NUP35: variants seen among roughly 807,000 people sequenced by gnomAD.
The protein encoded by NUP35 is nucleoporin 35, also known as nucleoporin NUP35.
In NUP35, 25 loss-of-function variants were observed where a neutral mutation model predicts 41.5. That is an observed-to-expected ratio of 0.60 (90% CI 0.44 to 0.84). The LOEUF (loss-of-function observed/expected upper bound fraction) is 0.84. NUP35 is among the 40% of genes least tolerant of loss of function. The probability of loss-of-function intolerance (pLI) is 0.00; values close to 1 mark genes in which losing one functional copy is unlikely to be tolerated. For synonymous variants in NUP35, 149 were observed against 130.7 expected (o/e 1.14, Z -0.96); for missense variants, 396 against 396.6 (o/e 1.00, Z 0.01).
Position 183,161,212 on chromosome 2 carries a change from T to G in NUP35, c.*81T>G. On this transcript the variant is annotated 3_prime_UTR_variant, in exon 9 of 9. Transcript: ENST00000295119. ...GTTCCTTCGGTTAGTTATATAACTG[T>G]TCCTGCAGTATTGGATAGCTATCTC... is the stretch of plus-strand genomic sequence containing the variant. 6.4e-6 allele frequency: 6 copies of G among 942,594 alleles called. No individual in the cohort carries two copies. Among genetic ancestry groups the G allele is most frequent in the Non-Finnish European group, 9.9e-6 (6 of 604,052 alleles). 58.4% of individuals were successfully genotyped at this position (942,594 alleles called of 1,614,324 possible).
At chr2:183,124,713 A>G (rs1306283677) in intron 1 of NUP35, among the ~76,000 whole-genome samples, 1 of 152,072 alleles carries the variant, frequency 6.6e-6, no homozygotes, top group African/African-American at 2.4e-5. Flanking sequence ...GGGCCCTGGG[A>G]GGGTGAAGAA....
upstream of NUP35, among the ~76,000 whole-genome samples, chr2:183,122,279 T>C (rs1239254742): frequency 6.6e-5 from 10 of 152,108 alleles, no homozygotes; most frequent in Non-Finnish European, 1.3e-4. Flanking sequence ...GGTTTCACCA[T>C]GTTGGCCAGG....
chr2:183,142,474 G>T (rs909427638), intron 4 of NUP35, among the ~76,000 whole-genome samples: 2 of 151,262 alleles, frequency 1.3e-5, no homozygotes, highest in African/African-American at 4.9e-5. Flanking sequence ...TTGGTGGGGG[G>T]TGGTGGGCAC....
chr2:183,122,036 T>C (rs1181703317), upstream of NUP35, among the ~76,000 whole-genome samples: 1 of 150,888 alleles, frequency 6.6e-6, no homozygotes, highest in Non-Finnish European at 1.5e-5. Context: ...AACCCTTTTC[T>C]ACTTTACTGT....
intron 4 of NUP35, among the ~76,000 whole-genome samples, chr2:183,139,740 A>T (rs1685018160): frequency 6.6e-6 from 1 of 152,214 alleles, no homozygotes; most frequent in Non-Finnish European, 1.5e-5. Flanking sequence ...GCCATAAGTC[A>T]CCAAAAGGTG....
upstream of NUP35, among the ~76,000 whole-genome samples, chr2:183,124,088 C>T (rs1489713382): frequency 6.6e-6 from 1 of 152,150 alleles, no homozygotes; most frequent in Non-Finnish European, 1.5e-5. Context: ...CCAGGTGCTA[C>T]TCAGAAAAGC....
intron 1 of NUP35, among the ~76,000 whole-genome samples, chr2:183,118,105 G>C (rs10191080): frequency 0.63 from 95,120 of 152,026 alleles, 32,658 homozygotes; most frequent in East Asian, 0.98. Context: ...TGAAGAAAGG[G>C]CTCCCCACCT....
At chr2:183,130,693 T>G (rs1161325859) in intron 3 of NUP35, 148 bp downstream of exon 3, 2 of 915,570 alleles carry the variant, frequency 2.2e-6, no homozygotes, top group African/African-American at 3.3e-5. Flanking sequence ...CATCATAGAA[T>G]CTACTTAAAT....
intron 8 of NUP35, chr2:183,160,017 C>CTT (rs1685815552): frequency 5.8e-6 from 1 of 171,100 alleles, no homozygotes; most frequent in African/African-American, 2.4e-5. Context: ...AAGTGCAGAA[C>CTT]CTTAGGTTGG....
intron 4 of NUP35, among the ~76,000 whole-genome samples, chr2:183,141,199 C>G (rs60835883): frequency 0.031 from 4,672 of 151,806 alleles, 262 homozygotes; most frequent in African/African-American, 0.11. Context: ...TCATTCCATT[C>G]CCTGCTTCCA....
At chr2:183,159,930 A>C in intron 8 of NUP35, 1 of 324,194 alleles carries the variant, frequency 3.1e-6, no homozygotes. Context: ...ATACATACGA[A>C]ATGTATCCTG....
At chr2:183,130,869 A>G (rs1684673741) in intron 3 of NUP35, 1 of 755,224 alleles carries the variant, frequency 1.3e-6, no homozygotes, top group Non-Finnish European at 1.7e-6. Flanking sequence ...TTGTTTAAGA[A>G]GTTTAATATT....
chr2:183,129,217 T>TG (rs34592491), intron 2 of NUP35, among the ~76,000 whole-genome samples: 28,689 of 152,002 alleles, frequency 0.19, 3,598 homozygotes, highest in African/African-American at 0.34. Context: ...TAAGGAAACT[T>TG]GGGGGGGAGG....
chr2:183,126,173 C>T (rs994259352), intron 1 of NUP35, among the ~76,000 whole-genome samples: 4 of 152,098 alleles, frequency 2.6e-5, no homozygotes, highest in African/African-American at 9.7e-5. Context: ...GGGCTGGGAC[C>T]ACAGTGTGCC....
intron 4 of NUP35, among the ~76,000 whole-genome samples, chr2:183,137,337 G>A (rs1472736829): frequency 6.6e-6 from 1 of 152,140 alleles, no homozygotes; most frequent in African/African-American, 2.4e-5. Flanking sequence ...GCTCATGCCT[G>A]TAATCCCGAG....
Position 183,130,476 on chromosome 2 carries a change from A to G in NUP35, c.270A>G (p.Pro90=), listed in dbSNP as rs201805920. Residue 90 remains proline, a synonymous_variant, in exon 3 of 9, where the codon CCA becomes CCG. Coordinates refer to ENST00000295119, the MANE Select transcript of NUP35 (RefSeq NM_138285.5). ...PAHKDKSGAP[P]VRSIYDDISS... is the part of the protein sequence containing the mutation. Reference sequence around the variant, plus strand: ...ATAAAGATAAAAGTGGCGCTCCACCAGTTAGAAGTATATATGATGACATTT... The same window carrying G: ...ATAAAGATAAAAGTGGCGCTCCACCGGTTAGAAGTATATATGATGACATTT... 6.1e-5 allele frequency: 98 copies of G among 1,607,756 alleles called. No individual in the cohort carries two copies. The highest frequency in any genetic ancestry group is 7.5e-5 in the Non-Finnish European group (89 of 1,179,052).
chr2:183,150,873 A>G (rs16824047), intron 4 of NUP35, among the ~76,000 whole-genome samples: 5,578 of 152,294 alleles, frequency 0.037, 376 homozygotes, highest in African/African-American at 0.13. Context: ...TATAGCCTTA[A>G]TTGGACATTG....
At chr2:183,155,223 G>C (rs1479246075) in intron 5 of NUP35, among the ~76,000 whole-genome samples, 3 of 152,146 alleles carry the variant, frequency 2.0e-5, no homozygotes, top group Admixed American at 2.0e-4. Flanking sequence ...TAACACATGA[G>C]CTCCTTGAAG....
chr2:183,156,582 C>A (rs1024985283), intron 5 of NUP35, among the ~76,000 whole-genome samples: 2 of 152,116 alleles, frequency 1.3e-5, no homozygotes, highest in Non-Finnish European at 2.9e-5. Context: ...CTCAAGTGAT[C>A]CACCCACCTC....
Sources: allele counts gnomAD v4.1 joint callset (sites outside exome capture counted in the v4.1 genomes callset), GRCh38; gene constraint gnomAD v4.1.1; transcripts MANE v1.5; gene names NCBI Gene and HGNC (gene_info 2026-07-23, HGNC 2026-07-21).